Variants in UIMC1 observed in about 807,000 individuals in gnomAD.
The protein encoded by UIMC1 is BRCA1-A complex subunit RAP80.
In UIMC1, 42 loss-of-function variants were observed where a neutral mutation model predicts 84.9. That is an observed-to-expected ratio of 0.49 (90% CI 0.39 to 0.64). The LOEUF (loss-of-function observed/expected upper bound fraction) is 0.64, where lower values mean the gene tolerates loss of function less well. Among genes scored for constraint, UIMC1 ranks in the 30% least tolerant of loss-of-function variants. The probability of loss-of-function intolerance (pLI) is 0.00; values close to 1 mark genes in which losing one functional copy is unlikely to be tolerated. For missense variants in UIMC1, 825 were observed against 847.6 expected, an observed-to-expected ratio of 0.97 and a Z score of 0.33; for synonymous variants, 281 against 293.0, an observed-to-expected ratio of 0.96 and a Z score of 0.42.
intron 9 of UIMC1, among the ~76,000 whole-genome samples, chr5:176,948,793 C>T (rs1282290303): frequency 1.3e-5 from 2 of 152,172 alleles, no homozygotes; most frequent in East Asian, 1.9e-4. Flanking sequence ...TTGCAATGCT[C>T]GAGCTCCTTG....
At chr5:176,954,764 G>GA (rs1462181945) in intron 8 of UIMC1, among the ~76,000 whole-genome samples, 1 of 143,528 alleles carries the variant, frequency 7.0e-6, no homozygotes, top group African/African-American at 2.5e-5. Flanking sequence ...AAAAAAAAAA[G>GA]AAAAAAGCCA....
At chr5:177,014,571 G>C (rs1775632988) in intron 1 of UIMC1, among the ~76,000 whole-genome samples, 1 of 152,066 alleles carries the variant, frequency 6.6e-6, no homozygotes, top group Non-Finnish European at 1.5e-5. Flanking sequence ...GATGGTAGAA[G>C]GACATTAAAG....
At chr5:177,000,769 G>A (rs1358585786) in intron 1 of UIMC1, among the ~76,000 whole-genome samples, 3 of 151,940 alleles carry the variant, frequency 2.0e-5, no homozygotes, top group Admixed American at 1.3e-4. Context: ...CAAAGTGCTG[G>A]GATTACAAGC....
chr5:176,976,198 C>T (rs562481633), intron 2 of UIMC1, among the ~76,000 whole-genome samples: 29 of 152,086 alleles, frequency 1.9e-4, no homozygotes, highest in Admixed American at 1.6e-3. Context: ...AGGCATGGTC[C>T]TAGCTACTCA....
intron 1 of UIMC1, among the ~76,000 whole-genome samples, chr5:176,987,577 C>T (rs1455838127): frequency 6.6e-6 from 1 of 152,004 alleles, no homozygotes; most frequent in African/African-American, 2.4e-5. Context: ...TGCTTGAACC[C>T]AGGGCAGAGG....
At chr5:176,911,772 T>C (rs889420971) in intron 10 of UIMC1, among the ~76,000 whole-genome samples, 13 of 152,158 alleles carry the variant, frequency 8.5e-5, no homozygotes, top group East Asian at 1.9e-4. Context: ...CTATGAAATA[T>C]AGTAATGATA....
At chr5:176,951,663 A>C (rs1297465941) in intron 8 of UIMC1, 86 bp from the exon 9 acceptor site, 8 of 986,640 alleles carry the variant, frequency 8.1e-6, no homozygotes, top group Non-Finnish European at 1.2e-5. Context: ...TTTCACCTAA[A>C]GTTTAGGATA....
chr5:176,987,771 C>G (rs1424716529), intron 1 of UIMC1, among the ~76,000 whole-genome samples: 1 of 151,948 alleles, frequency 6.6e-6, no homozygotes, highest in Non-Finnish European at 1.5e-5. Context: ...CTGCAGTAAA[C>G]TGTGATCACA....
At chr5:176,917,687 C>A (rs1404140863) in intron 10 of UIMC1, among the ~76,000 whole-genome samples, 1 of 150,910 alleles carries the variant, frequency 6.6e-6, no homozygotes, top group African/African-American at 2.4e-5. Context: ...GGGCAAGGAG[C>A]GGTGGCTCAC....
intron 10 of UIMC1, among the ~76,000 whole-genome samples, chr5:176,923,087 T>C (rs1761904133): frequency 6.6e-6 from 1 of 152,218 alleles, no homozygotes; most frequent in African/African-American, 2.4e-5. Context: ...GACCCAGCAA[T>C]GCTTATCTTT....
chr5:176,991,153 G>A (rs577995706), intron 1 of UIMC1, among the ~76,000 whole-genome samples: 37 of 151,632 alleles, frequency 2.4e-4, no homozygotes, highest in African/African-American at 4.4e-4. Context: ...GATTACAGGC[G>A]CCCGCCACCA....
intron 10 of UIMC1, among the ~76,000 whole-genome samples, chr5:176,941,152 G>T (rs1276433423): frequency 6.6e-6 from 1 of 152,048 alleles, no homozygotes; most frequent in Non-Finnish European, 1.5e-5. Context: ...CAGCAATCCA[G>T]GTTACCAAAT....
In UIMC1 at chr5:176,905,452, C is replaced by G. The variant is rs1759229780; in HGVS notation, c.1990G>C (p.Glu664Gln). The G allele has an allele frequency of 6.2e-7, 1 of 1,614,148 alleles. No homozygotes were observed. The highest frequency in any genetic ancestry group is 8.5e-7 in the Non-Finnish European group (1 of 1,180,002). Residue 664 changes from glutamate (E) to glutamine (Q), a missense_variant, in exon 15 of 15, where the codon GAG becomes CAG. Transcript: ENST00000511320. ...PGMEEAGCSR[E>Q]MQSSFTRRDL... ...CGACGTGTGAAAGAACTCTGCATCT[C>G]TCTGCTGCAGCCTGCCTCTTCCATC...
At chr5:176,975,317 C>A in intron 3 of UIMC1, 79 bp downstream of exon 3, 1 of 1,398,262 alleles carries the variant, frequency 7.2e-7, no homozygotes, top group Admixed American at 1.9e-5. Flanking sequence ...AAGAATGCAA[C>A]ATAATCAACT....
At chr5:176,990,731 G>C (rs1324239776) in intron 1 of UIMC1, among the ~76,000 whole-genome samples, 1 of 152,018 alleles carries the variant, frequency 6.6e-6, no homozygotes, top group Non-Finnish European at 1.5e-5. Flanking sequence ...TGAATGCAAT[G>C]TGTATGATCA....
intron 13 of UIMC1, 140 bp downstream of exon 13, chr5:176,906,974 T>C (rs1222720880): frequency 4.8e-5 from 36 of 752,438 alleles, no homozygotes; most frequent in South Asian, 7.4e-5. Flanking sequence ...AGAGATGACC[T>C]AGATTGAGTC....
intron 5 of UIMC1, 34 bp downstream of exon 5, chr5:176,969,567 G>A (rs760192340): frequency 3.8e-6 from 6 of 1,592,622 alleles, no homozygotes; most frequent in East Asian, 2.2e-5. Context: ...AGTTATACTT[G>A]ATGAATGGAA....
intron 10 of UIMC1, among the ~76,000 whole-genome samples, chr5:176,911,649 C>T (rs749796271): frequency 2.0e-5 from 3 of 152,202 alleles, no homozygotes; most frequent in Non-Finnish European, 4.4e-5. Flanking sequence ...AGATCTACTC[C>T]ACACCAAGAA....
chr5:176,988,183 T>C (rs1178998915), intron 1 of UIMC1, among the ~76,000 whole-genome samples: 1 of 133,328 alleles, frequency 7.5e-6, no homozygotes, highest in Non-Finnish European at 1.6e-5. Context: ...GAAACGCAAA[T>C]CAAAACCACA....
Sources: gnomAD v4.1 joint callset for allele counts (sites outside exome capture counted in the v4.1 genomes callset) on GRCh38, gnomAD v4.1.1 for gene constraint, MANE v1.5 for transcripts, NCBI Gene and HGNC (gene_info 2026-07-23, HGNC 2026-07-21) for gene names.